Variants in LMCD1 observed in about 807,000 individuals in gnomAD.
LMCD1 encodes LIM and cysteine rich domains 1.
In LMCD1, 32 loss-of-function variants were observed where a neutral mutation model predicts 42.7. The ratio of observed to expected loss-of-function variants is 0.75; its 90% confidence interval spans 0.57 to 1.01. The LOEUF (loss-of-function observed/expected upper bound fraction) is 1.01. LMCD1 is among the 50% of genes least tolerant of loss of function. LMCD1 has a pLI of 0.00. For missense variants in LMCD1, 458 were observed against 483.1 expected, an observed-to-expected ratio of 0.95 and a Z score of 0.49; for synonymous variants, 178 against 184.9, an observed-to-expected ratio of 0.96 and a Z score of 0.30.
intron 1 of LMCD1, among the ~76,000 whole-genome samples, chr3:8,531,091 G>T (rs570194468): frequency 6.6e-6 from 1 of 152,314 alleles, no homozygotes; most frequent in African/African-American, 2.4e-5. Flanking sequence ...GTATTGTGAA[G>T]GACAGCTGTC....
intron 5 of LMCD1, among the ~76,000 whole-genome samples, chr3:8,567,232 C>G (rs1695144786): frequency 1.3e-5 from 2 of 151,812 alleles, no homozygotes; most frequent in South Asian, 4.2e-4. Flanking sequence ...TTTTTTTATT[C>G]CGTCTGAGAA....
In LMCD1 at chr3:8,567,497, T is replaced by G; in HGVS notation, c.997T>G (p.Phe333Val). The change falls in exon 6 of 6, where the codon TTT becomes GTT. Residue 333 changes from phenylalanine (F) to valine (V), a missense_variant. Phe to Val is a conservative substitution (Grantham distance 50). Coordinates refer to ENST00000157600, the MANE Select transcript of LMCD1 (RefSeq NM_014583.4). ...VEDLAWHRKHFVCEGCEQLLS... is the reference protein window; with the variant it reads ...VEDLAWHRKHVVCEGCEQLLS... The stretch of plus-strand genomic sequence containing the variant: ...AGATCTGGCCTGGCACCGAAAGCAC[T>G]TTGTCTGTGAGGGTTGTGAGCAGCT... 6.2e-7 allele frequency: 1 copy of G among 1,613,874 alleles called. No homozygotes were observed.
chr3:8,510,986 A>G (rs948832373), intron 1 of LMCD1, among the ~76,000 whole-genome samples: 3 of 152,254 alleles, frequency 2.0e-5, no homozygotes, highest in Non-Finnish European at 4.4e-5. Context: ...ATATGCACAC[A>G]CATACAGCTG....
In LMCD1 at chr3:8,567,646, A is replaced by G. The variant is rs775371986; in HGVS notation, c.*48A>G. On this transcript the variant is annotated 3_prime_UTR_variant, in exon 6 of 6. Transcript: ENST00000157600. ...AATCCACAGGATCCCACCGAGAAGGAGAGCCAGGTGTGCCGAGACCATCCT... is the reference window on the plus strand; with the variant it reads ...AATCCACAGGATCCCACCGAGAAGGGGAGCCAGGTGTGCCGAGACCATCCT... The G allele has an allele frequency of 6.3e-7, 1 of 1,579,442 alleles. No homozygotes were observed. The highest frequency in any genetic ancestry group is 1.8e-5 in the Admixed American group (1 of 56,096).
In LMCD1 at chr3:8,574,399, A is replaced by C. The variant is rs1695270318; in HGVS notation, c.*6801A>C. 1 of 152,394 alleles carries C rather than the reference A, an allele frequency of 6.6e-6. No homozygotes were observed. The highest frequency in any genetic ancestry group is 1.5e-5 in the Non-Finnish European group (1 of 68,198). 9.4% of individuals were successfully genotyped at this position (152,394 alleles called of 1,614,324 possible). ...AAGTCCCTGTGAGAGCAACAGGAGCAAAGCATGGAGAAGAAGCAATCTTGG... is the reference window on the plus strand; with the variant it reads ...AAGTCCCTGTGAGAGCAACAGGAGCCAAGCATGGAGAAGAAGCAATCTTGG... On this transcript the variant is annotated 3_prime_UTR_variant, in exon 6 of 6. Transcript: ENST00000157600.
chr3:8,564,262 A>ATAT lies in LMCD1; in HGVS notation c.724-1153_724-1151dup, dbSNP rs564920697. On this transcript the variant is annotated intron_variant, in intron 4 of 5. Transcript: ENST00000157600. ...TTTCTGTAACTCTAGAACTACTCAAATATTATTATTATTATTATTTGAGAC... is the reference window on the plus strand; with the variant it reads ...TTTCTGTAACTCTAGAACTACTCAAATATTATTATTATTATTATTATTTGAGAC... 9.7e-3 allele frequency among the ~76,000 whole-genome samples: 1,479 copies of ATAT among 151,852 alleles called. 23 individuals carry two copies. Among genetic ancestry groups the ATAT allele is most frequent in the African/African-American group, 0.034 (1,390 of 41,420 alleles).
chr3:8,537,564 G>T, intron 3 of LMCD1, 124 bp downstream of exon 3: 1 of 1,131,634 alleles, frequency 8.8e-7, no homozygotes, highest in South Asian at 1.7e-5. Context: ...GACAGGAGTG[G>T]CTGTGGTTTT....
intron 3 of LMCD1, among the ~76,000 whole-genome samples, chr3:8,540,788 G>A (rs750231679): frequency 2.0e-5 from 3 of 152,140 alleles, no homozygotes; most frequent in African/African-American, 4.8e-5. Flanking sequence ...ACCTCACCGC[G>A]CCCTATGTGC....
intron 1 of LMCD1, among the ~76,000 whole-genome samples, chr3:8,532,226 C>T (rs1694424829): frequency 6.6e-6 from 1 of 152,180 alleles, no homozygotes; most frequent in South Asian, 2.1e-4. Flanking sequence ...TGTGATTTTT[C>T]AGTGTTTTAG....
chr3:8,535,920 G>C (rs1694499112), intron 2 of LMCD1, among the ~76,000 whole-genome samples: 1 of 152,128 alleles, frequency 6.6e-6, no homozygotes, highest in Non-Finnish European at 1.5e-5. Context: ...CTACCCACCA[G>C]ACACCAATAG....
intron 1 of LMCD1, chr3:8,515,008 T>C (rs1378582755): frequency 2.2e-6 from 1 of 456,748 alleles, no homozygotes; most frequent in Non-Finnish European, 4.4e-6. Flanking sequence ...AAGTTTTCCT[T>C]TGAAGTACTG....
chr3:8,503,152 C>T (rs1693800276), intron 1 of LMCD1, among the ~76,000 whole-genome samples: 1 of 152,164 alleles, frequency 6.6e-6, no homozygotes, highest in South Asian at 2.1e-4. Flanking sequence ...AGGGTTTAGT[C>T]TTGAAGGGCA....
chr3:8,525,151 C>T (rs1045815583), intron 1 of LMCD1, among the ~76,000 whole-genome samples: 5 of 152,150 alleles, frequency 3.3e-5, no homozygotes, highest in African/African-American at 1.2e-4. Context: ...CTTACTCATC[C>T]TGCCTAATTG....
intron 4 of LMCD1, among the ~76,000 whole-genome samples, chr3:8,553,870 C>T (rs1196152900): frequency 1.3e-5 from 2 of 152,150 alleles, no homozygotes; most frequent in African/African-American, 2.4e-5. Context: ...CCTGAAGAAG[C>T]GAGCCCTTTT....
At chr3:8,564,769 C>T (rs1695098294) in intron 4 of LMCD1, among the ~76,000 whole-genome samples, 1 of 152,156 alleles carries the variant, frequency 6.6e-6, no homozygotes, top group East Asian at 1.9e-4. Flanking sequence ...AGAAGAATAT[C>T]CACAGTTGCC....
chr3:8,542,322 C>A (rs1014614060), intron 3 of LMCD1, among the ~76,000 whole-genome samples: 3 of 152,134 alleles, frequency 2.0e-5, no homozygotes, highest in African/African-American at 7.2e-5. Flanking sequence ...CTTTGAGCTG[C>A]AAAAGGATCA....
rs35525213 is a variant in LMCD1, at chr3:8,555,716, C to CTTTTTTTTTT, written c.723+6828_723+6837dup. Among the ~76,000 whole-genome samples the CTTTTTTTTTT allele has an allele frequency of 3.6e-4, 23 of 63,278 alleles. 2 individuals carry two copies. Among genetic ancestry groups the CTTTTTTTTTT allele is most frequent in the African/African-American group, 7.4e-4 (10 of 13,566 alleles). The allele number at this position is 63,278 out of a possible 152,430, so 41.5% of individuals were successfully genotyped here. A position where few individuals can be genotyped will look rare whatever the true frequency, so the allele number is the denominator to read the frequency against. Reference sequence around the variant, plus strand: ...ATGTTGCCACATGGCCTTCAACGAGCTTTTTTTTTTTTTTTTTTTTTTTTG... The same window carrying CTTTTTTTTTT: ...ATGTTGCCACATGGCCTTCAACGAGCTTTTTTTTTTTTTTTTTTTTTTTTTTTTTTTTTTG... On this transcript the variant is annotated intron_variant, in intron 4 of 5. Coordinates refer to ENST00000157600, the MANE Select transcript of LMCD1 (RefSeq NM_014583.4).
At chr3:8,538,746 T>C (rs972089750) in intron 3 of LMCD1, among the ~76,000 whole-genome samples, 2 of 152,252 alleles carry the variant, frequency 1.3e-5, no homozygotes, top group Admixed American at 6.5e-5. Flanking sequence ...TTAACAACTT[T>C]TATTGCAAAC....
At chr3:8,523,337 A>G (rs1559347548) in intron 1 of LMCD1, among the ~76,000 whole-genome samples, 1 of 152,240 alleles carries the variant, frequency 6.6e-6, no homozygotes, top group Non-Finnish European at 1.5e-5. Flanking sequence ...ATTTGAACAC[A>G]CATACACACT....
Sources: gnomAD v4.1 joint callset for allele counts (sites outside exome capture counted in the v4.1 genomes callset) on GRCh38, gnomAD v4.1.1 for gene constraint, MANE v1.5 for transcripts, NCBI Gene and HGNC (gene_info 2026-07-23, HGNC 2026-07-21) for gene names.